Variants in ATP5PB observed in about 807,000 individuals in gnomAD.
ATP5PB encodes the protein ATP synthase peripheral stalk subunit b, mitochondrial.
In ATP5PB, 21 loss-of-function variants were observed where a neutral mutation model predicts 34.5. The observed-to-expected ratio is 0.61, with a 90% confidence interval of 0.43 to 0.88. The LOEUF is 0.88. Among genes scored for constraint, ATP5PB ranks in the 40% least tolerant of loss-of-function variants. ATP5PB has a pLI of 0.00. For missense variants in ATP5PB, 293 were observed against 317.4 expected (o/e 0.92, Z 0.58); for synonymous variants, 108 against 114.1 (o/e 0.95, Z 0.34).
chr1:111,456,585 C>G (rs1235171792), intron 4 of ATP5PB, 45 bp from the exon 5 acceptor site: 1 of 1,579,478 alleles, frequency 6.3e-7, no homozygotes, highest in Non-Finnish European at 8.6e-7. Flanking sequence ...CTTTTTTTAC[C>G]CTTTGTGCTT....
chr1:111,460,006 AAT>A (rs549413816), intron 6 of ATP5PB, among the ~76,000 whole-genome samples: 182 of 152,256 alleles, frequency 1.2e-3, no homozygotes, highest in African/African-American at 3.9e-3. Flanking sequence ...CTCTACAAAA[AAT>A]TTAAAAAGTA....
chr1:111,449,774 G>A (rs972131561), intron 1 of ATP5PB, 63 bp from the exon 2 acceptor site: 3 of 1,610,902 alleles, frequency 1.9e-6, no homozygotes, highest in Non-Finnish European at 2.5e-6. Flanking sequence ...GCCTGGCGGG[G>A]GTAAGGAAAG....
intron 2 of ATP5PB, among the ~76,000 whole-genome samples, chr1:111,452,084 C>T (rs1470956322): frequency 2.0e-5 from 3 of 150,686 alleles, no homozygotes; most frequent in African/African-American, 7.4e-5. Context: ...GGCACCACTG[C>T]ACTCCAGCCT....
intron 6 of ATP5PB, among the ~76,000 whole-genome samples, chr1:111,460,092 A>G (rs573285819): frequency 2.0e-5 from 3 of 152,296 alleles, no homozygotes; most frequent in Admixed American, 6.5e-5. Flanking sequence ...TGAGCCCAGG[A>G]AGCATAGGCT....
In ATP5PB at chr1:111,461,239, A is replaced by G. The variant is rs1317816826; in HGVS notation, c.*245A>G. On this transcript the variant is annotated 3_prime_UTR_variant, in exon 7 of 7. Coordinates refer to ENST00000369722, the MANE Select transcript of ATP5PB (RefSeq NM_001688.5). Reference sequence around the variant, plus strand: ...TTCTGAATAAGCAGTTTGCCTTTATAAAAACTTGCTGCCTGACTAAAGATT... The same window carrying G: ...TTCTGAATAAGCAGTTTGCCTTTATGAAAACTTGCTGCCTGACTAAAGATT... 6.3e-6 allele frequency: 2 copies of G among 317,432 alleles called. No individual in the cohort carries two copies. The highest frequency in any genetic ancestry group is 5.6e-5 in the East Asian group (1 of 17,852). The allele number at this position is 317,432 out of a possible 1,614,324, so 19.7% of individuals were successfully genotyped here.
chr1:111,451,459 A>G (rs1423883014), intron 2 of ATP5PB, among the ~76,000 whole-genome samples: 1 of 152,136 alleles, frequency 6.6e-6, no homozygotes, highest in Non-Finnish European at 1.5e-5. Flanking sequence ...GAAATTTTGT[A>G]TGGAGATACA....
At chr1:111,456,549 C>A in intron 4 of ATP5PB, 81 bp from the exon 5 acceptor site, 1 of 1,518,274 alleles carries the variant, frequency 6.6e-7, no homozygotes. Flanking sequence ...AGATATACAA[C>A]TTTGAAGAAG....
At position 111,456,153 on chromosome 1, in the gene ATP5PB, A is replaced by G. The variant is rs376770527; in HGVS notation, c.291A>G (p.Ala97=). Residue 97 remains alanine, a synonymous_variant, in exon 4 of 7, where the codon GCA becomes GCG. Coordinates refer to ENST00000369722, the MANE Select transcript of ATP5PB (RefSeq NM_001688.5). ...CCAAAGAAATATATGTGATTAGCGC[A>G]GAGACCTTCACTGCCCTATCAGTAC... ...ALSKEIYVIS[A]ETFTALSVLG... The G allele has an allele frequency of 5.0e-6, 8 of 1,613,002 alleles. No homozygotes were observed. The African/African-American group carries it at 1.1e-4, about 22-fold the overall frequency.
At position 111,461,139 on chromosome 1, in the gene ATP5PB, G is replaced by A; in HGVS notation, c.*145G>A. On this transcript the variant is annotated 3_prime_UTR_variant, in exon 7 of 7. Transcript: ENST00000369722. ...ATGAAAAGTTTGTTTCATATAGTGA[G>A]AGAACGAAATCTCTATCGGCCAGTC... 2 of 682,762 alleles carry A rather than the reference G, an allele frequency of 2.9e-6. No individual in the cohort carries two copies. Among genetic ancestry groups the A allele is most frequent in the Non-Finnish European group, 2.5e-6 (1 of 403,226 alleles). 42.3% of individuals were successfully genotyped at this position (682,762 alleles called of 1,614,324 possible). A position where few individuals can be genotyped will look rare whatever the true frequency, so the allele number is the denominator to read the frequency against.
At position 111,456,076 on chromosome 1, in the gene ATP5PB, C is replaced by T. The variant is rs1188182821; in HGVS notation, c.224-10C>T. On this transcript the variant is annotated splice_polypyrimidine_tract_variant and intron_variant, in intron 3 of 6. Transcript: ENST00000369722. ...ATATCCCTTCATAAAATAACTCTTT[C>T]TTCTTTTAGGACCCTATGTACTCGG... The T allele has an allele frequency of 6.4e-7, 1 of 1,551,402 alleles. No individual in the cohort carries two copies. The highest frequency in any genetic ancestry group is 8.7e-7 in the Non-Finnish European group (1 of 1,148,700).
In ATP5PB at chr1:111,456,113, T is replaced by A. The variant is rs1653466112; in HGVS notation, c.251T>A (p.Ile84Asn). The change falls in exon 4 of 7, where the codon ATC (isoleucine) becomes AAC (asparagine). Residue 84 changes from isoleucine to asparagine, a missense_variant. Ile to Asn is a moderately radical substitution (Grantham distance 149). Coordinates refer to ENST00000369722, the MANE Select transcript of ATP5PB (RefSeq NM_001688.5). ...CCCTATGTACTCGGAACTGGGCTTA[T>A]CTTGTACGCTTTATCCAAAGAAATA... Reference protein sequence around the residue: ...TGPYVLGTGLILYALSKEIYV... With the variant: ...TGPYVLGTGLNLYALSKEIYV... 6.2e-7 allele frequency: 1 copy of A among 1,608,838 alleles called. No homozygotes were observed. The highest frequency in any genetic ancestry group is 1.3e-5 in the African/African-American group (1 of 74,694).
At position 111,459,438 on chromosome 1, in the gene ATP5PB, T is replaced by G; in HGVS notation, c.514-19T>G. 6.3e-7 allele frequency: 1 copy of G among 1,592,550 alleles called. No homozygotes were observed. Among genetic ancestry groups the G allele is most frequent in the South Asian group, 1.1e-5 (1 of 88,516 alleles). ...TCAAGTATACAAACAATATTTATCA[T>G]TTCTTAATTTTGCCCCAGAATAACA... On this transcript the variant is annotated intron_variant, in intron 5 of 6. Coordinates refer to ENST00000369722, the MANE Select transcript of ATP5PB (RefSeq NM_001688.5).
chr1:111,453,212 G>C (rs994646033), intron 2 of ATP5PB, among the ~76,000 whole-genome samples: 8 of 152,106 alleles, frequency 5.3e-5, no homozygotes, highest in African/African-American at 1.9e-4. Context: ...GGAGACATCA[G>C]TATGCTGTAA....
At chr1:111,454,627 G>C (rs1653419820) in intron 3 of ATP5PB, among the ~76,000 whole-genome samples, 1 of 151,986 alleles carries the variant, frequency 6.6e-6, no homozygotes, top group African/African-American at 2.4e-5. Context: ...TTTTTTTGTA[G>C]AGACGGGCTT....
intron 2 of ATP5PB, among the ~76,000 whole-genome samples, chr1:111,451,669 G>C (rs559482632): frequency 1.3e-5 from 2 of 152,280 alleles, no homozygotes; most frequent in South Asian, 4.1e-4. Flanking sequence ...CTCCTGATTG[G>C]TCTTGATAGT....
rs773316141 is a variant in ATP5PB at position 111,459,584 on chromosome 1, A to G, written c.641A>G (p.His214Arg). Reference protein sequence around the residue: ...QNMMRRKEQEHMINWVEKHVV... With the variant: ...QNMMRRKEQERMINWVEKHVV... ...ATGATGCGTCGAAAGGAACAAGAAC[A>G]CATGATAAATTGGGTGGAGAAGCAC... Residue 214 changes from histidine (H) to arginine (R), a missense_variant, in exon 6 of 7, where the codon CAC becomes CGC. Transcript: ENST00000369722. 1 of 1,613,846 alleles carries G rather than the reference A, an allele frequency of 6.2e-7. No homozygotes were observed. Among genetic ancestry groups the G allele is most frequent in the African/African-American group, 1.3e-5 (1 of 74,924 alleles).
At chr1:111,449,624 A>G (rs1653247937) in intron 1 of ATP5PB, 43 bp downstream of exon 1, 7 of 1,568,658 alleles carry the variant, frequency 4.5e-6, no homozygotes, top group Non-Finnish European at 6.1e-6. Context: ...GAGTGATTGG[A>G]AAGAAGCGAA....
At chr1:111,451,395 G>C (rs1202837546) in intron 2 of ATP5PB, among the ~76,000 whole-genome samples, 3 of 152,030 alleles carry the variant, frequency 2.0e-5, no homozygotes, top group Non-Finnish European at 2.9e-5. Context: ...CCATTTTGTT[G>C]CTCCCTATCC....
At chr1:111,459,771 T>A in intron 6 of ATP5PB, 135 bp downstream of exon 6, 2 of 914,696 alleles carry the variant, frequency 2.2e-6, no homozygotes. Flanking sequence ...GGTTTGTTTT[T>A]CTGGATAGTG....
Sources: gnomAD v4.1 joint callset for allele counts (sites outside exome capture counted in the v4.1 genomes callset) on GRCh38, gnomAD v4.1.1 for gene constraint, MANE v1.5 for transcripts, NCBI Gene and HGNC (gene_info 2026-07-23, HGNC 2026-07-21) for gene names.